RAD54B: variants seen among roughly 807,000 people sequenced by gnomAD.
The protein encoded by RAD54B is RAD54 homolog B.
A neutral mutation model predicts 95.8 loss-of-function variants in RAD54B; 78 were observed. The ratio of observed to expected loss-of-function variants is 0.81; its 90% CI spans 0.68 to 0.98. RAD54B has a LOEUF of 0.98. Among genes scored for constraint, RAD54B ranks in the 50% least tolerant of loss-of-function variants. RAD54B has a pLI of 0.00. For missense variants in RAD54B, 957 were observed against 1,056.6 expected, an observed-to-expected ratio of 0.91 and a Z score of 1.31; for synonymous variants, 328 against 354.9, an observed-to-expected ratio of 0.92 and a Z score of 0.85.
At chr8:94,409,356 G>A (rs960666878) in intron 4 of RAD54B, among the ~76,000 whole-genome samples, 2 of 151,392 alleles carry the variant, frequency 1.3e-5, no homozygotes, top group African/African-American at 2.4e-5. Flanking sequence ...TCTGGGCATC[G>A]GCATTTCTTT....
At position 94,439,449 on chromosome 8, in the gene RAD54B, C is replaced by T. The variant is rs1331282899; in HGVS notation, c.304+18819G>A. On this transcript the variant is annotated intron_variant, in intron 3 of 14. Transcript: ENST00000336148. Reference sequence around the variant, plus strand: ...GATCATAGTGTGTTTGAATATATCACGCTGTTAACGAAAAGAGTCAAACTC... The same window carrying T: ...GATCATAGTGTGTTTGAATATATCATGCTGTTAACGAAAAGAGTCAAACTC... 3.9e-5 allele frequency among the ~76,000 whole-genome samples: 6 copies of T among 152,232 alleles called. No individual in the cohort carries two copies. In the East Asian group the frequency reaches 7.7e-4, roughly 20 times the overall value.
chr8:94,456,380 A>G (rs1303987528), intron 3 of RAD54B, among the ~76,000 whole-genome samples: 1 of 152,244 alleles, frequency 6.6e-6, no homozygotes, highest in Non-Finnish European at 1.5e-5. Flanking sequence ...ATTATGAATT[A>G]CTATTAATCC....
At chr8:94,391,468 G>A (rs1811017399) in intron 10 of RAD54B, 141 bp downstream of exon 10, 2 of 775,398 alleles carry the variant, frequency 2.6e-6, no homozygotes, top group East Asian at 5.3e-5. Flanking sequence ...AAGCTCTACA[G>A]CAGAACCATA....
intron 3 of RAD54B, 68 bp downstream of exon 3, chr8:94,458,200 A>G: frequency 7.3e-7 from 1 of 1,373,380 alleles, no homozygotes; most frequent in Non-Finnish European, 9.8e-7. Flanking sequence ...CATTCTTAAA[A>G]CATCATTTAA....
intron 3 of RAD54B, among the ~76,000 whole-genome samples, chr8:94,415,153 T>TGGTACC (rs1227913955): frequency 1.3e-5 from 2 of 152,040 alleles, no homozygotes; most frequent in Non-Finnish European, 2.9e-5. Context: ...AGCATGGTAC[T>TGGTACC]GGTACCAAAA....
rs1412507501 is a variant in RAD54B at position 94,399,455 on chromosome 8, G to T, written c.1337C>A (p.Ala446Asp). Residue 446 changes from alanine to aspartate, a missense_variant, in exon 8 of 15, where the codon GCC (alanine) becomes GAC (aspartate). Transcript: ENST00000336148. ...LKNSAIKTTT[A>D]LISLSCEKRI... is the part of the protein sequence containing the mutation. ...TTTCTCACAAGAAAGGCTAATGAGG[G>T]CTGTAGTTGTCTTAATGGCACTGTT... 1.9e-6 allele frequency: 3 copies of T among 1,613,564 alleles called. No homozygotes were observed. The Admixed American group carries it at 5.0e-5, about 27-fold the overall frequency.
intron 1 of RAD54B, among the ~76,000 whole-genome samples, chr8:94,473,922 G>C (rs1239576644): frequency 6.6e-6 from 1 of 152,176 alleles, no homozygotes; most frequent in Non-Finnish European, 1.5e-5. Context: ...AAAGCCATGA[G>C]CATTCAGTAG....
chr8:94,399,245 A>G (rs1029340213), intron 8 of RAD54B, among the ~76,000 whole-genome samples, 169 bp downstream of exon 8: 2 of 152,184 alleles, frequency 1.3e-5, no homozygotes, highest in African/African-American at 4.8e-5. Context: ...ACAGAAAATT[A>G]CACATGGATT....
rs1301358555 is a variant in RAD54B, at chr8:94,372,385, C to T, written c.2518G>A (p.Asp840Asn). The T allele has an allele frequency of 2.5e-6, 4 of 1,612,408 alleles. No individual in the cohort carries two copies. The highest frequency in any genetic ancestry group is 8.5e-7 in the Non-Finnish European group (1 of 1,179,660). Reference sequence around the variant, plus strand: ...GAGACAATGAATTTTTCCAACGAATCACCTGTAATAAGTAAAACAATGAGA... The same window carrying T: ...GAGACAATGAATTTTTCCAACGAATTACCTGTAATAAGTAAAACAATGAGA... ...ECTGEEVHTG[D>N]SLEKFIVSRD... The change falls in exon 15 of 15, where the codon GAT becomes AAT. Residue 840 changes from aspartate (D) to asparagine (N), a missense_variant and splice_region_variant. Physicochemically the swap from Asp to Asn is conservative, Grantham distance 23. Transcript: ENST00000336148.
chr8:94,431,584 T>A, intron 3 of RAD54B: 1 of 922,070 alleles, frequency 1.1e-6, no homozygotes, highest in Non-Finnish European at 1.3e-6. Context: ...GTCATTGAGT[T>A]CTCCCTGGAC....
intron 3 of RAD54B, among the ~76,000 whole-genome samples, chr8:94,414,691 T>A (rs558524191): frequency 2.0e-5 from 3 of 152,230 alleles, no homozygotes; most frequent in African/African-American, 4.8e-5. Context: ...AATCAATGTA[T>A]AAAAATCACA....
At chr8:94,472,055 A>AT (rs1232068279) in intron 1 of RAD54B, among the ~76,000 whole-genome samples, 1 of 152,160 alleles carries the variant, frequency 6.6e-6, no homozygotes, top group East Asian at 1.9e-4. Context: ...TATTTTATAT[A>AT]TAACCAGCCT....
intron 3 of RAD54B, chr8:94,432,700 G>A: frequency 7.1e-7 from 1 of 1,401,168 alleles, no homozygotes; most frequent in Non-Finnish European, 9.3e-7. Context: ...ATCAAATGAA[G>A]AAAAAGTGTA....
chr8:94,413,799 C>T (rs1811584542), intron 3 of RAD54B, among the ~76,000 whole-genome samples: 1 of 148,828 alleles, frequency 6.7e-6, no homozygotes, highest in South Asian at 2.1e-4. Flanking sequence ...ATGAATAAGA[C>T]AAAGGTCTTG....
intron 1 of RAD54B, among the ~76,000 whole-genome samples, chr8:94,469,513 C>T (rs1378122068): frequency 6.6e-6 from 1 of 152,130 alleles, no homozygotes; most frequent in African/African-American, 2.4e-5. Flanking sequence ...TGAGAACAGA[C>T]TAATACAAAT....
At chr8:94,422,381 G>C (rs1336377937) in intron 3 of RAD54B, among the ~76,000 whole-genome samples, 1 of 151,186 alleles carries the variant, frequency 6.6e-6, no homozygotes, top group Non-Finnish European at 1.5e-5. Context: ...GAGGTCAGGA[G>C]TTTGAGACCA....
chr8:94,410,656 A>G (rs1299290635), intron 4 of RAD54B, among the ~76,000 whole-genome samples: 1 of 152,188 alleles, frequency 6.6e-6, no homozygotes, highest in Non-Finnish European at 1.5e-5. Flanking sequence ...TCCAATTTCC[A>G]TATGTTAATC....
In RAD54B at chr8:94,407,591, A is replaced by G. The variant is rs139411957; in HGVS notation, c.629T>C (p.Leu210Pro). ...DDFSSGRCFQ[L>P]GGGSTAISHS... ...CGAGATAGCAGTACTTCCTCCTCCA[A>G]GCTGAAAACACCTGCCACTGCTGAA... is the stretch of plus-strand genomic sequence containing the variant. Residue 210 changes from leucine (L) to proline (P), a missense_variant, in exon 5 of 15, where the codon CTT (leucine) becomes CCT (proline). Physicochemically the swap from Leu to Pro is moderately conservative, Grantham distance 98. Coordinates refer to ENST00000336148, the MANE Select transcript of RAD54B (RefSeq NM_012415.3). 43 of 1,614,058 alleles carry G rather than the reference A, an allele frequency of 2.7e-5. No individual in the cohort carries two copies. In the African/African-American group the frequency reaches 4.4e-4, roughly 17 times the overall value.
rs369733077 is a variant in RAD54B at position 94,422,990 on chromosome 8, CATAT to C, written c.305-11679_305-11676del. Among the ~76,000 whole-genome samples the C allele has an allele frequency of 1.5e-3, 234 of 151,420 alleles. 1 individual carries two copies. In the South Asian group the frequency reaches 0.025, roughly 16 times the overall value. ...GGGAAAGAGAATATGTATAAATATACATATATATTTATCTTAAAATTCATTTTCA... is the reference window on the plus strand; with the variant it reads ...GGGAAAGAGAATATGTATAAATATACATATTTATCTTAAAATTCATTTTCA... On this transcript the variant is annotated intron_variant, in intron 3 of 14. Coordinates refer to ENST00000336148, the MANE Select transcript of RAD54B (RefSeq NM_012415.3).
Sources: gnomAD v4.1 joint callset for allele counts (sites outside exome capture counted in the v4.1 genomes callset) on GRCh38, gnomAD v4.1.1 for gene constraint, MANE v1.5 for transcripts, NCBI Gene and HGNC (gene_info 2026-07-23, HGNC 2026-07-21) for gene names.